TMEM132B: variants seen among roughly 807,000 people sequenced by gnomAD.
The protein encoded by TMEM132B is transmembrane protein 132B.
Under a neutral mutation model 90.8 loss-of-function variants are expected in TMEM132B, and 18 were observed. The ratio of observed to expected loss-of-function variants is 0.20; its 90% CI spans 0.14 to 0.29. The LOEUF (loss-of-function observed/expected upper bound fraction) is 0.29. Among genes scored for constraint, TMEM132B ranks in the 10% least tolerant of loss-of-function variants. The probability of loss-of-function intolerance (pLI) is 1.00; values close to 1 mark genes in which losing one functional copy is unlikely to be tolerated. For missense variants in TMEM132B, 1,096 were observed against 1,326.8 expected (o/e 0.83, Z 2.70); for synonymous variants, 504 against 523.3 (o/e 0.96, Z 0.50).
chr12:125,300,349 A>G (rs1303036382), intron 1 of TMEM132B, among the ~76,000 whole-genome samples: 1 of 151,914 alleles, frequency 6.6e-6, no homozygotes, highest in Non-Finnish European at 1.5e-5. Flanking sequence ...TTTGTTCTTT[A>G]TATCCCTTGT....
At chr12:125,219,205 C>T (rs1470851466) in intron 1 of TMEM132B, among the ~76,000 whole-genome samples, 1 of 152,078 alleles carries the variant, frequency 6.6e-6, no homozygotes, top group African/African-American at 2.4e-5. Context: ...CATCTCAGGG[C>T]CACGTGGCAG....
chr12:125,654,832 T>G lies in TMEM132B; in HGVS notation c.*122T>G. On this transcript the variant is annotated 3_prime_UTR_variant, in exon 9 of 9. Transcript: ENST00000682704. This position sits in a 1 kb window ranked among gnomAD's most constrained non-coding sequence, Gnocchi z 5.8. The stretch of plus-strand genomic sequence containing the variant: ...TTGATTTGTGGAGGTCTGGTGGGAT[T>G]CATTTCTAAGCAGGTAAAAGAGGTT... 8.3e-7 allele frequency: 1 copy of G among 1,198,518 alleles called. No individual in the cohort carries two copies. Among genetic ancestry groups the G allele is most frequent in the East Asian group, 2.5e-5 (1 of 39,960 alleles). 74.2% of individuals were successfully genotyped at this position (1,198,518 alleles called of 1,614,324 possible).
chr12:125,563,656 C>T (rs1243681321), intron 4 of TMEM132B, among the ~76,000 whole-genome samples: 1 of 152,012 alleles, frequency 6.6e-6, no homozygotes, highest in East Asian at 1.9e-4. Flanking sequence ...GTGAGGTGTT[C>T]CCATAGGCCC....
intron 1 of TMEM132B, among the ~76,000 whole-genome samples, chr12:125,305,038 CT>C (rs1875925441): frequency 6.6e-6 from 1 of 151,930 alleles, no homozygotes; most frequent in South Asian, 2.1e-4. Context: ...AGACTTGTTA[CT>C]TTTTAACTCC....
chr12:125,505,178 A>AAAAAC (rs1882808880), intron 3 of TMEM132B, among the ~76,000 whole-genome samples: 1 of 141,214 alleles, frequency 7.1e-6, no homozygotes, highest in Non-Finnish European at 1.5e-5. Context: ...AAAAAAAAAA[A>AAAAAC]AAAAAAAAAA....
intron 1 of TMEM132B, among the ~76,000 whole-genome samples, chr12:125,342,011 G>A (rs930358636): frequency 6.6e-6 from 1 of 152,104 alleles, no homozygotes; most frequent in African/African-American, 2.4e-5. Flanking sequence ...CAGACCTGAT[G>A]TTATGCCTAT....
chr12:125,414,098 T>C (rs1360264067), intron 2 of TMEM132B, among the ~76,000 whole-genome samples: 1 of 152,204 alleles, frequency 6.6e-6, no homozygotes, highest in Non-Finnish European at 1.5e-5. Context: ...AATGATGTTG[T>C]TGAGGGTATT....
At chr12:125,583,723 C>A in intron 4 of TMEM132B, 128 bp from the exon 5 acceptor site, 2 of 1,121,810 alleles carry the variant, frequency 1.8e-6, no homozygotes, top group Non-Finnish European at 2.6e-6. Flanking sequence ...GTGGCTTTGT[C>A]CCTTCAGACA....
intron 3 of TMEM132B, among the ~76,000 whole-genome samples, chr12:125,433,960 T>C (rs1389001950): frequency 6.6e-6 from 1 of 152,188 alleles, no homozygotes; most frequent in African/African-American, 2.4e-5. Context: ...TGTATTAGTT[T>C]CCTATTGCTG....
At chr12:125,416,802 C>T (rs1388005981) in intron 3 of TMEM132B, among the ~76,000 whole-genome samples, 2 of 152,212 alleles carry the variant, frequency 1.3e-5, no homozygotes, top group Non-Finnish European at 2.9e-5. Flanking sequence ...AGTCATCATT[C>T]TCTACATCTA....
intron 1 of TMEM132B, among the ~76,000 whole-genome samples, chr12:125,254,705 T>C (rs1307490432): frequency 7.1e-6 from 1 of 140,748 alleles, no homozygotes; most frequent in Non-Finnish European, 1.5e-5. Flanking sequence ...TTTTTTCAGA[T>C]GGAGTTTCAC....
chr12:125,382,646 TA>T (rs1478173513), intron 2 of TMEM132B, among the ~76,000 whole-genome samples: 3 of 152,186 alleles, frequency 2.0e-5, no homozygotes, highest in Non-Finnish European at 4.4e-5. Flanking sequence ...AAGAGGCCTT[TA>T]AAAAGTGTAA....
chr12:125,324,539 G>A (rs1172824419), intron 1 of TMEM132B, among the ~76,000 whole-genome samples: 1 of 152,232 alleles, frequency 6.6e-6, no homozygotes, highest in Non-Finnish European at 1.5e-5. Context: ...TCTGTGGCCT[G>A]TTAGGAACCG....
At chr12:125,591,088 C>G (rs942493909) in intron 5 of TMEM132B, among the ~76,000 whole-genome samples, 1 of 152,024 alleles carries the variant, frequency 6.6e-6, no homozygotes, top group African/African-American at 2.4e-5. Flanking sequence ...TTTCTATGAG[C>G]TAGTAGCCAA....
In TMEM132B at chr12:125,650,602, C is replaced by T. The variant is rs146966894; in HGVS notation, c.1644-81C>T. 68 of 1,512,070 alleles carry T rather than the reference C, an allele frequency of 4.5e-5. No homozygotes were observed. In the African/African-American group the frequency reaches 8.5e-4, roughly 19 times the overall value. The allele number at this position is 1,512,070 out of a possible 1,614,324, so 93.7% of individuals were successfully genotyped here. On this transcript the variant is annotated intron_variant, in intron 6 of 8. Coordinates refer to ENST00000682704, the MANE Select transcript of TMEM132B (RefSeq NM_001366854.1). The stretch of plus-strand genomic sequence containing the variant: ...ACCATTTCATTTCATTCTGTGGGCT[C>T]ACCTAGAATCTGAAAAACAAGGGCA...
intron 2 of TMEM132B, among the ~76,000 whole-genome samples, chr12:125,380,723 T>C (rs1177868775): frequency 1.3e-5 from 2 of 152,172 alleles, no homozygotes; most frequent in African/African-American, 4.8e-5. Flanking sequence ...GAGGCACTGG[T>C]AGAAGATTGG....
intron 3 of TMEM132B, among the ~76,000 whole-genome samples, chr12:125,444,399 CTG>C (rs1480955627): frequency 1.8e-4 from 27 of 152,270 alleles, no homozygotes; most frequent in African/African-American, 6.5e-4. Flanking sequence ...CTGTTTATAA[CTG>C]TAATTGTAAA....
intron 3 of TMEM132B, among the ~76,000 whole-genome samples, chr12:125,493,958 G>A (rs1882430623): frequency 7.9e-6 from 1 of 126,828 alleles, no homozygotes; most frequent in Non-Finnish European, 1.6e-5. Context: ...CCTCCTCCCT[G>A]GAAATGGCCG....
chr12:125,203,512 G>A (rs1873113529), intron 1 of TMEM132B, among the ~76,000 whole-genome samples: 1 of 152,056 alleles, frequency 6.6e-6, no homozygotes, highest in Non-Finnish European at 1.5e-5. Context: ...GGTTACTTCT[G>A]TGACCATCTT....
Sources: allele counts gnomAD v4.1 joint callset (sites outside exome capture counted in the v4.1 genomes callset), GRCh38; gene constraint gnomAD v4.1.1; non-coding constraint Gnocchi (gnomAD v3.1); transcripts MANE v1.5; gene names NCBI Gene and HGNC (gene_info 2026-07-23, HGNC 2026-07-21).